Variants in ZMYM4 observed in about 807,000 individuals in gnomAD.
ZMYM4 encodes the protein zinc finger MYM-type protein 4.
Under a neutral mutation model 183.2 loss-of-function variants are expected in ZMYM4, and 31 were observed. The ratio of observed to expected loss-of-function variants is 0.17; its 90% confidence interval spans 0.13 to 0.23. ZMYM4 has a LOEUF of 0.23. Ranked by LOEUF, ZMYM4 falls within the 10% of genes least tolerant of loss-of-function variation. The pLI, the probability that ZMYM4 is intolerant of heterozygous loss-of-function variation, is 1.00. For missense variants in ZMYM4, 1,273 were observed against 1,840.3 expected (o/e 0.69, Z 5.64); for synonymous variants, 592 against 631.2 (o/e 0.94, Z 0.93).
intron 1 of ZMYM4, among the ~76,000 whole-genome samples, chr1:35,274,272 C>G (rs1639759075): frequency 6.6e-6 from 1 of 152,166 alleles, no homozygotes; most frequent in East Asian, 1.9e-4. Context: ...TGTTTTCACA[C>G]TGCTTCCCAT....
chr1:35,397,899 T>G (rs1267711955), intron 20 of ZMYM4, among the ~76,000 whole-genome samples: 1 of 152,172 alleles, frequency 6.6e-6, no homozygotes, highest in Non-Finnish European at 1.5e-5. Flanking sequence ...AAATAGAACC[T>G]TAGGATGGAA....
intron 5 of ZMYM4, among the ~76,000 whole-genome samples, chr1:35,363,043 G>A (rs1460937652): frequency 2.0e-5 from 3 of 152,182 alleles, no homozygotes; most frequent in Admixed American, 6.5e-5. Flanking sequence ...ATGGTGGCGG[G>A]TGCCTGTAAT....
At chr1:35,279,480 G>T (rs1640036781) in intron 1 of ZMYM4, among the ~76,000 whole-genome samples, 1 of 152,164 alleles carries the variant, frequency 6.6e-6, no homozygotes, top group Non-Finnish European at 1.5e-5. Flanking sequence ...GCATATGGTT[G>T]TCCAGCCACG....
chr1:35,415,460 G>T lies in ZMYM4; in HGVS notation c.4061-6G>T. On this transcript the variant is annotated splice_polypyrimidine_tract_variant and splice_region_variant and intron_variant, in intron 27 of 29. Transcript: ENST00000314607. ...TACTGTTTCTTGTACCCCTTCTTCT[G>T]TCTAGGTTACATGTTCTCTCGCATT... is the stretch of plus-strand genomic sequence containing the variant. The T allele has an allele frequency of 6.2e-7, 1 of 1,614,152 alleles. No individual in the cohort carries two copies. The highest frequency in any genetic ancestry group is 8.5e-7 in the Non-Finnish European group (1 of 1,180,004).
chr1:35,286,028 T>G (rs932024720), intron 1 of ZMYM4, among the ~76,000 whole-genome samples: 1 of 152,134 alleles, frequency 6.6e-6, no homozygotes. Flanking sequence ...AGTGTAGTAT[T>G]AGAAGTTCTA....
chr1:35,387,717 G>A (rs970812115), intron 13 of ZMYM4, 113 bp downstream of exon 13: 173 of 1,124,390 alleles, frequency 1.5e-4, no homozygotes, highest in Non-Finnish European at 1.9e-4. Context: ...TATGTATAAC[G>A]TAAATGCCTT....
Position 35,386,119 on chromosome 1 carries a change from A to C in ZMYM4, c.1766A>C (p.Gln589Pro). ...CNSCKTSAIP[Q>P]YHLAMSDGSI... ...AGTTGTAAAACCTCAGCAATTCCTC[A>C]GTATCACCTAGCCATGTCAGATGGA... is the stretch of plus-strand genomic sequence containing the variant. Residue 589 changes from glutamine to proline, a missense_variant, in exon 11 of 30, where the codon CAG (glutamine) becomes CCG (proline). Gln to Pro is a moderately conservative substitution (Grantham distance 76). Around this residue, in one of 6 missense-constraint regions of ZMYM4, gnomAD observed 319 missense variants for 518.1 expected, o/e 0.62. Coordinates refer to ENST00000314607, the MANE Select transcript of ZMYM4 (RefSeq NM_005095.3). 6.2e-7 allele frequency: 1 copy of C among 1,614,056 alleles called. No homozygotes were observed. Among genetic ancestry groups the C allele is most frequent in the South Asian group, 1.1e-5 (1 of 91,050 alleles).
At chr1:35,405,236 G>A (rs772984661) in intron 24 of ZMYM4, 42 bp downstream of exon 24, 39 of 1,601,342 alleles carry the variant, frequency 2.4e-5, no homozygotes, top group Non-Finnish European at 3.2e-5. Flanking sequence ...TAGGTAGGGG[G>A]AAATATACAG....
intron 2 of ZMYM4, among the ~76,000 whole-genome samples, chr1:35,329,123 C>T (rs1041670011): frequency 6.6e-6 from 1 of 152,170 alleles, no homozygotes; most frequent in African/African-American, 2.4e-5. Flanking sequence ...AGGCTAACCC[C>T]GTTTGTGAAG....
At chr1:35,387,830 AGAT>A (rs1163373366) in intron 13 of ZMYM4, among the ~76,000 whole-genome samples, 3 of 152,244 alleles carry the variant, frequency 2.0e-5, no homozygotes, top group East Asian at 1.9e-4. Flanking sequence ...ATGCAGAAGA[AGAT>A]GATGTGAAAA....
intron 7 of ZMYM4, among the ~76,000 whole-genome samples, chr1:35,380,166 G>A (rs1644421744): frequency 6.6e-6 from 1 of 152,116 alleles, no homozygotes. Context: ...TTCTTTAAAA[G>A]TATCCTGCTA....
chr1:35,402,692 A>G lies in ZMYM4; in HGVS notation c.3529-2331A>G, dbSNP rs1188628. Among the ~76,000 whole-genome samples the G allele has an allele frequency of 8.6e-3, 1,312 of 152,258 alleles. 21 individuals carry two copies. Among genetic ancestry groups the G allele is most frequent in the African/African-American group, 0.026 (1,062 of 41,554 alleles). ...AGAAATATAGATAATTTTTTCTTCTATGATATTTATCTTAGAAATAAAAAA... is the reference window on the plus strand; with the variant it reads ...AGAAATATAGATAATTTTTTCTTCTGTGATATTTATCTTAGAAATAAAAAA... On this transcript the variant is annotated intron_variant, in intron 23 of 29. Coordinates refer to ENST00000314607, the MANE Select transcript of ZMYM4 (RefSeq NM_005095.3).
At chr1:35,385,669 T>C (rs1644559850) in intron 10 of ZMYM4, 77 bp downstream of exon 10, 1 of 1,474,152 alleles carries the variant, frequency 6.8e-7, no homozygotes, top group African/African-American at 1.4e-5. Context: ...ACGGTTTTTT[T>C]TGGTTGATTT....
intron 23 of ZMYM4, 77 bp downstream of exon 23, chr1:35,399,653 A>T (rs1263577695): frequency 6.8e-7 from 1 of 1,479,760 alleles, no homozygotes; most frequent in Non-Finnish European, 9.3e-7. Context: ...CTGCTTTCAA[A>T]ACTCTGTAAC....
At chr1:35,375,769 T>G (rs1161120924) in intron 7 of ZMYM4, among the ~76,000 whole-genome samples, 3 of 152,232 alleles carry the variant, frequency 2.0e-5, no homozygotes, top group Non-Finnish European at 4.4e-5. Flanking sequence ...AGGGACCTAA[T>G]AATTTGTTTT....
chr1:35,328,060 G>T (rs1642580322), intron 2 of ZMYM4, among the ~76,000 whole-genome samples: 1 of 152,110 alleles, frequency 6.6e-6, no homozygotes, highest in African/African-American at 2.4e-5. Context: ...GAATCATATA[G>T]CTTTCTAATG....
At chr1:35,406,075 G>A (rs1183002124) in intron 25 of ZMYM4, among the ~76,000 whole-genome samples, 1 of 152,140 alleles carries the variant, frequency 6.6e-6, no homozygotes, top group Non-Finnish European at 1.5e-5. Flanking sequence ...CAGAATGGAG[G>A]AGTATATCCA....
At chr1:35,375,162 A>G (rs1009016591) in intron 7 of ZMYM4, among the ~76,000 whole-genome samples, 4 of 151,040 alleles carry the variant, frequency 2.6e-5, no homozygotes, top group African/African-American at 9.8e-5. Context: ...CTTTTCTCCT[A>G]CTTCTCATTT....
chr1:35,397,355 C>T (rs1214330693), intron 19 of ZMYM4, 22 bp from the exon 20 acceptor site: 1 of 1,516,392 alleles, frequency 6.6e-7, no homozygotes, highest in African/African-American at 1.4e-5. Flanking sequence ...AGAAAGCCTT[C>T]AGTCTATCCT....
Sources: allele counts gnomAD v4.1 joint callset (sites outside exome capture counted in the v4.1 genomes callset), GRCh38; gene constraint gnomAD v4.1.1; regional missense constraint gnomAD v4.1.1; transcripts MANE v1.5; gene names NCBI Gene and HGNC (gene_info 2026-07-23, HGNC 2026-07-21).